STX7: variants seen among roughly 807,000 people sequenced by gnomAD.
STX7 encodes the protein syntaxin-7.
A neutral mutation model predicts 39.6 loss-of-function variants in STX7; 34 were observed. That is an observed-to-expected ratio of 0.86 (90% confidence interval 0.65 to 1.14). The LOEUF (loss-of-function observed/expected upper bound fraction) is 1.14, where lower values mean the gene tolerates loss of function less well. Ranked by LOEUF, STX7 falls within the 50% of genes most tolerant of loss-of-function variation. The pLI is 0.00. For missense variants in STX7, 284 were observed against 310.4 expected, an observed-to-expected ratio of 0.92 and a Z score of 0.64; for synonymous variants, 119 against 99.1, an observed-to-expected ratio of 1.20 and a Z score of -1.19.
At chr6:132,498,243 A>T (rs953368767) in intron 2 of STX7, among the ~76,000 whole-genome samples, 1 of 152,026 alleles carries the variant, frequency 6.6e-6, no homozygotes, top group Non-Finnish European at 1.5e-5. Context: ...ATATAATTAA[A>T]TTTCTAATTT....
At chr6:132,507,492 G>A (rs756674193) in intron 1 of STX7, among the ~76,000 whole-genome samples, 31 of 152,144 alleles carry the variant, frequency 2.0e-4, no homozygotes, top group Admixed American at 7.2e-4. Context: ...CTGGCCAAAG[G>A]TGACTACTAA....
At chr6:132,484,659 A>T (rs997176705) in intron 2 of STX7, among the ~76,000 whole-genome samples, 2 of 152,202 alleles carry the variant, frequency 1.3e-5, no homozygotes, top group African/African-American at 2.4e-5. Context: ...ATAGAAAAAA[A>T]AATAATGGTT....
intron 1 of STX7, among the ~76,000 whole-genome samples, chr6:132,509,900 T>C (rs1386474334): frequency 6.6e-6 from 1 of 152,242 alleles, no homozygotes; most frequent in Non-Finnish European, 1.5e-5. Context: ...CTCCATTACC[T>C]AGCCCAGAGC....
Position 132,447,527 on chromosome 6 carries a change from A to G in STX7, c.*13231T>C, listed in dbSNP as rs1469739565. ...TACTTTTTTGCTGCTCGAGCTAAAA[A>G]TTGAGTGACTTCAAATACAACATAA... On this transcript the variant is annotated 3_prime_UTR_variant, in exon 10 of 10. Coordinates refer to ENST00000367941, the MANE Select transcript of STX7 (RefSeq NM_003569.3). 6.6e-6 allele frequency: 1 copy of G among 151,952 alleles called. No homozygotes were observed. Among genetic ancestry groups the G allele is most frequent in the Non-Finnish European group, 1.5e-5 (1 of 68,010 alleles). 9.4% of individuals were successfully genotyped at this position (151,952 alleles called of 1,614,324 possible).
At chr6:132,471,686 G>T in intron 4 of STX7, 86 bp from the exon 5 acceptor site, 2 of 1,509,860 alleles carry the variant, frequency 1.3e-6, no homozygotes, top group African/African-American at 1.4e-5. Flanking sequence ...ATTTAACCCT[G>T]AAGTTTTCAC....
chr6:132,491,134 G>A (rs9375891), intron 2 of STX7, among the ~76,000 whole-genome samples: 5 of 151,598 alleles, frequency 3.3e-5, no homozygotes, highest in Admixed American at 6.6e-5. Context: ...AAAAAATGGG[G>A]AGAGTAACCA....
intron 3 of STX7, 190 bp downstream of exon 3, chr6:132,475,403 C>T: frequency 2.7e-6 from 1 of 368,796 alleles, no homozygotes; most frequent in Non-Finnish European, 4.8e-6. Flanking sequence ...ATAAAAACAC[C>T]TGCCTACTCC....
chr6:132,462,748 C>T (rs755552815), intron 9 of STX7, among the ~76,000 whole-genome samples: 7 of 152,056 alleles, frequency 4.6e-5, no homozygotes, highest in Non-Finnish European at 7.4e-5. Context: ...TCAGTGAATA[C>T]AACTGGTTAT....
rs1398601163 is a variant in STX7, at chr6:132,447,381, T to C, written c.*13377A>G. 1 of 152,218 alleles carries C rather than the reference T, an allele frequency of 6.6e-6. No individual in the cohort carries two copies. Among genetic ancestry groups the C allele is most frequent in the African/African-American group, 2.4e-5 (1 of 41,462 alleles). 9.4% of individuals were successfully genotyped at this position (152,218 alleles called of 1,614,324 possible). A position where few individuals can be genotyped will look rare whatever the true frequency, so the allele number is the denominator to read the frequency against. On this transcript the variant is annotated 3_prime_UTR_variant, in exon 10 of 10. Coordinates refer to ENST00000367941, the MANE Select transcript of STX7 (RefSeq NM_003569.3). ...CTATCAGAGGTCCCCAAAACATTCC[T>C]TTATCATTTTCCTTCTAAATCTTTT...
intron 4 of STX7, among the ~76,000 whole-genome samples, chr6:132,472,056 T>A (rs1349757009): frequency 1.3e-5 from 2 of 152,162 alleles, no homozygotes; most frequent in Non-Finnish European, 1.5e-5. Context: ...AACTTAATTA[T>A]GGGTCAGGGC....
At chr6:132,485,848 T>C (rs1162963625) in intron 2 of STX7, among the ~76,000 whole-genome samples, 2 of 152,264 alleles carry the variant, frequency 1.3e-5, no homozygotes, top group African/African-American at 4.8e-5. Flanking sequence ...TTCTGATCCA[T>C]GATCAAGGTA....
intron 5 of STX7, 120 bp downstream of exon 5, chr6:132,471,343 A>G: frequency 8.8e-7 from 1 of 1,132,140 alleles, no homozygotes; most frequent in South Asian, 2.0e-5. Flanking sequence ...AATATTCAAG[A>G]GCTGATTTCC....
chr6:132,492,049 C>T (rs1775303004), intron 2 of STX7, among the ~76,000 whole-genome samples: 2 of 152,194 alleles, frequency 1.3e-5, no homozygotes, highest in South Asian at 4.1e-4. Flanking sequence ...TCCTCATAAC[C>T]CTTGCTCCAC....
At chr6:132,485,222 ATGCTTTCTGT>A (rs1259821720) in intron 2 of STX7, among the ~76,000 whole-genome samples, 2 of 152,148 alleles carry the variant, frequency 1.3e-5, no homozygotes, top group Non-Finnish European at 2.9e-5. Context: ...AATCACTAAT[ATGCTTTCTGT>A]TGCTTTCTGT....
Position 132,460,612 on chromosome 6 carries a change from C to A in STX7, c.*146G>T. ...AATATCAGATTTAATCCAAAGGAAC[C>A]ACCCCAACCCCCCCAATAAAAATAA... On this transcript the variant is annotated 3_prime_UTR_variant, in exon 10 of 10. Coordinates refer to ENST00000367941, the MANE Select transcript of STX7 (RefSeq NM_003569.3). 1.9e-6 allele frequency: 1 copy of A among 540,056 alleles called. No homozygotes were observed. The highest frequency in any genetic ancestry group is 3.0e-6 in the Non-Finnish European group (1 of 328,076). 33.5% of individuals were successfully genotyped at this position (540,056 alleles called of 1,614,324 possible). A position where few individuals can be genotyped will look rare whatever the true frequency, so the allele number is the denominator to read the frequency against.
In STX7 at chr6:132,451,044, G is replaced by A. The variant is rs1196017664; in HGVS notation, c.*9714C>T. 2 of 149,812 alleles carry A rather than the reference G, an allele frequency of 1.3e-5. No individual in the cohort carries two copies. Among genetic ancestry groups the A allele is most frequent in the Admixed American group, 1.3e-4 (2 of 15,010 alleles). The allele number at this position is 149,812 out of a possible 1,614,324, so 9.3% of individuals were successfully genotyped here. On this transcript the variant is annotated 3_prime_UTR_variant, in exon 10 of 10. Coordinates refer to ENST00000367941, the MANE Select transcript of STX7 (RefSeq NM_003569.3). ...AAAGACAAATGACACCTATCTATAGGGACCAAAACAATTTAAAAAACTGGA... is the reference window on the plus strand; with the variant it reads ...AAAGACAAATGACACCTATCTATAGAGACCAAAACAATTTAAAAAACTGGA...
At chr6:132,464,285 G>C (rs1036937773) in intron 8 of STX7, among the ~76,000 whole-genome samples, 3 of 152,132 alleles carry the variant, frequency 2.0e-5, no homozygotes, top group African/African-American at 7.2e-5. Context: ...CAATATAAGA[G>C]CATTTGTATA....
intron 3 of STX7, among the ~76,000 whole-genome samples, chr6:132,474,162 A>G (rs2114387206): frequency 7.0e-6 from 1 of 142,234 alleles, no homozygotes; most frequent in East Asian, 2.2e-4. Flanking sequence ...TAGGAGGTCC[A>G]GGCTGCAGTG....
intron 4 of STX7, 114 bp from the exon 5 acceptor site, chr6:132,471,714 G>A: frequency 8.3e-7 from 1 of 1,198,482 alleles, no homozygotes; most frequent in Non-Finnish European, 1.2e-6. Context: ...CCAATTACAG[G>A]GCCTTACAGA....
Sources: gnomAD v4.1 joint callset for allele counts (sites outside exome capture counted in the v4.1 genomes callset) on GRCh38, gnomAD v4.1.1 for gene constraint, MANE v1.5 for transcripts, NCBI Gene and HGNC (gene_info 2026-07-23, HGNC 2026-07-21) for gene names.